The following CCDC13 variants were observed in gnomAD, a reference collection of about 807,000 sequenced individuals.
CCDC13 encodes the protein coiled-coil domain containing 13, also known as coiled-coil domain-containing protein 13.
In CCDC13, 70 loss-of-function variants were observed where a neutral mutation model predicts 87.3. The ratio of observed to expected loss-of-function variants is 0.80; its 90% CI spans 0.66 to 0.98. The LOEUF is 0.98. Ranked by LOEUF, CCDC13 falls within the 50% of genes least tolerant of loss-of-function variation. The pLI is 0.00. For missense variants in CCDC13, 842 were observed against 892.0 expected (o/e 0.94, Z 0.71); for synonymous variants, 317 against 360.3 (o/e 0.88, Z 1.36).
intron 10 of CCDC13, among the ~76,000 whole-genome samples, chr3:42,734,580 C>G (rs763820918): frequency 5.9e-5 from 9 of 152,240 alleles, no homozygotes; most frequent in Non-Finnish European, 1.0e-4. Flanking sequence ...GGCTACAGGA[C>G]AAACCAGGCT....
Position 42,733,587 on chromosome 3 carries a change from C to T in CCDC13, c.1394G>A (p.Gly465Asp). 1 of 1,611,212 alleles carries T rather than the reference C, an allele frequency of 6.2e-7. No individual in the cohort carries two copies. ...GACCTCGCGGCCACTGGACCCCTCA[C>T]CCACTCCTTTATTCCGAAGATACTG... ...NVHYLRNKGVGEGSSGREVSP... is the reference protein window; with the variant it reads ...NVHYLRNKGVDEGSSGREVSP... The change falls in exon 11 of 16, where the codon GGT becomes GAT. Residue 465 changes from glycine (G) to aspartate (D), a missense_variant. Physicochemically the swap from Gly to Asp is moderately conservative, Grantham distance 94. Transcript: ENST00000310232.
Position 42,707,976 on chromosome 3 carries a change from G to C in CCDC13, c.*1004C>G, listed in dbSNP as rs1698214633. On this transcript the variant is annotated 3_prime_UTR_variant, in exon 16 of 16. Transcript: ENST00000310232. ...GTCATAGAGGCCTGCGGATCTTAGG[G>C]TGCCCCTGCAGCATCCCTCCAAGTT... 6.6e-6 allele frequency among the ~76,000 whole-genome samples: 1 copy of C among 152,170 alleles called. No homozygotes were observed. The highest frequency in any genetic ancestry group is 2.4e-5 in the African/African-American group (1 of 41,442).
At chr3:42,741,064 A>T (rs1472465785) in intron 8 of CCDC13, 1 of 152,140 alleles carries the variant, frequency 6.6e-6, no homozygotes, top group Non-Finnish European at 1.5e-5. Flanking sequence ...CAACTGTTCA[A>T]CATAATCTGT....
intron 13 of CCDC13, among the ~76,000 whole-genome samples, chr3:42,718,630 C>T (rs763399540): frequency 6.6e-6 from 1 of 152,064 alleles, no homozygotes; most frequent in Admixed American, 6.5e-5. Context: ...AGTGAGGAAA[C>T]CCCCAACTCA....
At chr3:42,749,770 T>C (rs533119548) in intron 5 of CCDC13, 161 of 404,858 alleles carry the variant, frequency 4.0e-4, no homozygotes, top group Non-Finnish European at 7.6e-4. Context: ...TTTGAGAAAA[T>C]AACTAAAGCG....
At chr3:42,709,220 G>T in intron 15 of CCDC13, 81 bp from the exon 16 acceptor site, 1 of 1,435,438 alleles carries the variant, frequency 7.0e-7, no homozygotes, top group South Asian at 1.4e-5. Context: ...TGGGAATGTG[G>T]TTGCCAGCAT....
intron 13 of CCDC13, chr3:42,714,160 GA>G (rs1256679340): frequency 2.0e-5 from 3 of 152,176 alleles, no homozygotes; most frequent in Non-Finnish European, 2.9e-5. Flanking sequence ...GCAACTCTCT[GA>G]ATAATCCCAG....
chr3:42,758,497 C>A (rs1019834198), intron 1 of CCDC13, 146 bp from the exon 2 acceptor site: 3 of 724,852 alleles, frequency 4.1e-6, no homozygotes, highest in Non-Finnish European at 6.7e-6. Flanking sequence ...GCTCCACCCT[C>A]ACCTCAGATC....
At position 42,732,909 on chromosome 3, in the gene CCDC13, TG is replaced by T; in HGVS notation, c.1572del (p.Ser525ValfsTer136). On this transcript the variant is annotated frameshift_variant, in exon 12 of 16. Transcript: ENST00000310232. LOFTEE classifies it high-confidence loss of function. ...TACCTAGGTGAGGTCCTGTGGGGAC[TG>T]GGCAGGGAAGGCCTCGTGAGAGCAG... Reference protein sequence around the residue: ...VESALTRPSLPSPHRTSPRFS... With the variant: ...VESALTRPSLXSPHRTSPRFS... 6.4e-7 allele frequency: 1 copy of T among 1,554,100 alleles called. No individual in the cohort carries two copies. The highest frequency in any genetic ancestry group is 8.7e-7 in the Non-Finnish European group (1 of 1,148,082).
chr3:42,739,537 T>C, intron 9 of CCDC13, 97 bp downstream of exon 9: 3 of 1,345,816 alleles, frequency 2.2e-6, no homozygotes, highest in South Asian at 1.4e-5. Flanking sequence ...ACAGGTGGCA[T>C]TGAGGGGTGA....
intron 13 of CCDC13, among the ~76,000 whole-genome samples, chr3:42,725,901 G>A (rs1184161409): frequency 6.6e-6 from 1 of 152,076 alleles, no homozygotes; most frequent in East Asian, 1.9e-4. Flanking sequence ...GGGGAGAGCC[G>A]ACAGACATTA....
rs1306422349 is a variant in CCDC13, at chr3:42,757,217, ACAAGGCAAAGGCAGAATTAATGCTCCTC to A, written c.222-31_222-4del. On this transcript the variant is annotated splice_region_variant and splice_polypyrimidine_tract_variant and intron_variant, in intron 2 of 15. Transcript: ENST00000310232. Reference sequence around the variant, plus strand: ...GTTCAATCTCATCTTCAAGCACCCTACAAGGCAAAGGCAGAATTAATGCTCCTCCAAGGCAAAGGCCCTGGTGGGCAGG... The same window carrying A: ...GTTCAATCTCATCTTCAAGCACCCTACAAGGCAAAGGCCCTGGTGGGCAGG... The A allele has an allele frequency of 2.0e-5, 32 of 1,612,802 alleles. No homozygotes were observed. The highest frequency in any genetic ancestry group is 1.6e-4 in the Middle Eastern group (1 of 6,076).
intron 6 of CCDC13, chr3:42,746,372 G>T: frequency 3.9e-6 from 1 of 253,702 alleles, no homozygotes; most frequent in South Asian, 6.4e-5. Context: ...GTCACCTAGT[G>T]CTGAGCTAAT....
At chr3:42,766,409 C>T (rs1699933556) in intron 1 of CCDC13, among the ~76,000 whole-genome samples, 1 of 152,036 alleles carries the variant, frequency 6.6e-6, no homozygotes, top group African/African-American at 2.4e-5. Context: ...AAGCAAGTAA[C>T]AGCCTGACGG....
chr3:42,739,854 A>C, intron 8 of CCDC13, 44 bp from the exon 9 acceptor site: 2 of 1,578,912 alleles, frequency 1.3e-6, no homozygotes, highest in Non-Finnish European at 1.7e-6. Flanking sequence ...GCTGTGTGGG[A>C]CCTTGGCCAC....
At chr3:42,741,636 C>T (rs1158417464) in intron 8 of CCDC13, among the ~76,000 whole-genome samples, 4 of 152,150 alleles carry the variant, frequency 2.6e-5, no homozygotes, top group Admixed American at 6.5e-5. Flanking sequence ...ACTTGGGAGG[C>T]TGAGGCAGGA....
downstream of CCDC13, chr3:42,704,220 T>C (rs1296239439): frequency 6.6e-6 from 1 of 152,326 alleles, no homozygotes; most frequent in Non-Finnish European, 1.5e-5. Context: ...AGCCAAGTAG[T>C]TGGATCAGCC....
intron 1 of CCDC13, among the ~76,000 whole-genome samples, chr3:42,764,267 C>T (rs1228601684): frequency 1.3e-5 from 2 of 152,150 alleles, no homozygotes; most frequent in East Asian, 3.9e-4. Flanking sequence ...TGAGGCGTGT[C>T]CAACCCTTGC....
At chr3:42,755,798 A>G (rs77201860) in intron 3 of CCDC13, among the ~76,000 whole-genome samples, 2,754 of 152,228 alleles carry the variant, frequency 0.018, 77 homozygotes, top group African/African-American at 0.063. Flanking sequence ...GACAGTTAAC[A>G]ATGAGAGGGG....
Sources: gnomAD v4.1 joint callset for allele counts (sites outside exome capture counted in the v4.1 genomes callset) on GRCh38, gnomAD v4.1.1 for gene constraint, MANE v1.5 for transcripts, NCBI Gene and HGNC (gene_info 2026-07-23, HGNC 2026-07-21) for gene names.